The following ADAP1 variants were observed in gnomAD, a reference collection of about 807,000 sequenced individuals.
ADAP1 encodes the protein ArfGAP with dual PH domains 1.
In ADAP1, 31 loss-of-function variants were observed where a neutral mutation model predicts 54.9. That is an observed-to-expected ratio of 0.56 (90% CI 0.42 to 0.76). The LOEUF is 0.76. Among genes scored for constraint, ADAP1 ranks in the 30% least tolerant of loss-of-function variants. The probability of loss-of-function intolerance (pLI) is 0.00; values close to 1 mark genes in which losing one functional copy is unlikely to be tolerated. For missense variants in ADAP1, 535 were observed against 512.4 expected (o/e 1.04, Z -0.42); for synonymous variants, 313 against 202.6 (o/e 1.55, Z -4.63).
intron 4 of ADAP1, among the ~76,000 whole-genome samples, chr7:916,756 T>TGG (rs557395557): frequency 1.3e-5 from 2 of 151,814 alleles, no homozygotes; most frequent in Admixed American, 6.6e-5. Context: ...AAGTGGGGGT[T>TGG]GGGGGGGCAG....
At chr7:914,300 G>A (rs112538958) in intron 4 of ADAP1, among the ~76,000 whole-genome samples, 171 of 152,314 alleles carry the variant, frequency 1.1e-3, no homozygotes, top group African/African-American at 4.1e-3. Flanking sequence ...CCTTCCTCCC[G>A]GGCCCTGCCG....
chr7:927,547 C>T (rs938177719), intron 2 of ADAP1: 1 of 468,232 alleles, frequency 2.1e-6, no homozygotes, highest in Non-Finnish European at 4.4e-6. Flanking sequence ...TGACATCACC[C>T]TGCTCCGAGG....
intron 6 of ADAP1, among the ~76,000 whole-genome samples, chr7:901,926 G>GA (rs1844837969): frequency 6.6e-6 from 1 of 152,054 alleles, no homozygotes. Context: ...GAACTGGTTG[G>GA]AAAATCGCCC....
rs535079690 is a variant in ADAP1 at position 940,115 on chromosome 7, G to A, written c.83-4610C>T. Among the ~76,000 whole-genome samples the A allele has an allele frequency of 9.9e-5, 15 of 152,162 alleles. No individual in the cohort carries two copies. In the South Asian group the frequency reaches 1.2e-3, roughly 13 times the overall value. ...TGTGTGTGAGCATATACATACGTGC[G>A]TGCATACCCACAGACACAACATGAA... is the stretch of plus-strand genomic sequence containing the variant. On this transcript the variant is annotated intron_variant, in intron 1 of 10. Transcript: ENST00000265846.
At chr7:899,345 C>T (rs1401986554) in intron 9 of ADAP1, 74 bp downstream of exon 9, 3 of 1,604,012 alleles carry the variant, frequency 1.9e-6, no homozygotes, top group African/African-American at 1.3e-5. Flanking sequence ...AGGCCACCCG[C>T]CCTCCTGGTC....
chr7:934,535 C>A (rs1468963394), intron 2 of ADAP1, among the ~76,000 whole-genome samples: 2 of 152,150 alleles, frequency 1.3e-5, no homozygotes, highest in East Asian at 3.8e-4. Context: ...TCACAGCAGT[C>A]AGGAAGATCA....
rs773227962 is a variant in ADAP1 at position 926,523 on chromosome 7, A to T, written c.305+30T>A. Reference sequence around the variant, plus strand: ...TCTCGGAGCCACCCAGCACTTGACCATGGCCCTGACAAGGCCCCTTTGTAC... The same window carrying T: ...TCTCGGAGCCACCCAGCACTTGACCTTGGCCCTGACAAGGCCCCTTTGTAC... On this transcript the variant is annotated intron_variant, in intron 3 of 10. Transcript: ENST00000265846. The surrounding 1 kb of genome is among the most constrained non-coding windows in gnomAD (Gnocchi z 4.6). 4.0e-6 allele frequency: 6 copies of T among 1,506,350 alleles called. No individual in the cohort carries two copies. The highest frequency in any genetic ancestry group is 5.3e-6 in the Non-Finnish European group (6 of 1,127,480). The allele number at this position is 1,506,350 out of a possible 1,614,324, so 93.3% of individuals were successfully genotyped here. A position where few individuals can be genotyped will look rare whatever the true frequency, so the allele number is the denominator to read the frequency against.
chr7:926,609 G>T lies in ADAP1; in HGVS notation c.249C>A (p.Ala83=). 6.5e-7 allele frequency: 1 copy of T among 1,545,724 alleles called. No homozygotes were observed. The highest frequency in any genetic ancestry group is 8.7e-7 in the Non-Finnish European group (1 of 1,145,420). Residue 83 remains alanine, a synonymous_variant, in exon 3 of 11, where the codon GCC becomes GCA. Coordinates refer to ENST00000265846, the MANE Select transcript of ADAP1 (RefSeq NM_006869.4). The surrounding 1 kb of genome is among the most constrained non-coding windows in gnomAD (Gnocchi z 4.6). ...MASHGNDAAR[A]RFESKVPSFY... ...AGGAGGGTACTTTGGACTCAAACCT[G>T]GCTCTCGCGGCGTCGTTCCCGTGGG...
At chr7:905,592 AG>A (rs1845177753) in intron 4 of ADAP1, 2 of 137,606 alleles carry the variant, frequency 1.5e-5, no homozygotes, top group Admixed American at 8.3e-5. Flanking sequence ...GAAAGGAGAA[AG>A]GAGAAAGGAG....
intron 8 of ADAP1, 76 bp downstream of exon 8, chr7:900,021 TGGCAA>T: frequency 3.3e-6 from 5 of 1,520,594 alleles, no homozygotes; most frequent in Non-Finnish European, 4.5e-6. Context: ...AGGCGGCAGC[TGGCAA>T]GGCTGCTGCA....
chr7:903,734 TCTC>T (rs1009471039), intron 6 of ADAP1, among the ~76,000 whole-genome samples: 9 of 151,754 alleles, frequency 5.9e-5, no homozygotes, highest in African/African-American at 2.2e-4. Flanking sequence ...ACCGTCCACA[TCTC>T]CTCCCCGTAG....
intron 8 of ADAP1, 57 bp downstream of exon 8, chr7:900,045 C>T (rs202128981): frequency 5.8e-5 from 93 of 1,599,082 alleles, no homozygotes; most frequent in Admixed American, 1.2e-4. Flanking sequence ...CACTTCAGTC[C>T]GAGACCCACC....
chr7:905,820 AGAAGGGAGAAG>A (rs1461126132), intron 4 of ADAP1, among the ~76,000 whole-genome samples: 1 of 34,450 alleles, frequency 2.9e-5, no homozygotes, highest in Non-Finnish European at 7.6e-5. Flanking sequence ...AGGAGAAGGG[AGAAGGGAGAAG>A]GGAGAAGGGA....
chr7:948,964 G>C (rs1562938848), intron 1 of ADAP1, among the ~76,000 whole-genome samples: 2 of 152,122 alleles, frequency 1.3e-5, no homozygotes, highest in South Asian at 4.2e-4. Context: ...CAAAGTGCTG[G>C]GATTACAGGC....
chr7:898,465 C>T lies in ADAP1; in HGVS notation c.*456G>A, dbSNP rs555365555. 60 of 244,528 alleles carry T rather than the reference C, an allele frequency of 2.5e-4. No homozygotes were observed. Among genetic ancestry groups the T allele is most frequent in the Middle Eastern group, 3.2e-3 (2 of 634 alleles). The allele number at this position is 244,528 out of a possible 1,614,324, so 15.1% of individuals were successfully genotyped here. ...ACACAACAGGCGCTCAATAAATAGT[C>T]GTGGAGGTGGGGGGAGGGCGGGGCG... On this transcript the variant is annotated 3_prime_UTR_variant, in exon 11 of 11. Transcript: ENST00000265846.
At chr7:900,495 C>T in intron 7 of ADAP1, 38 bp downstream of exon 7, 2 of 1,480,848 alleles carry the variant, frequency 1.4e-6, no homozygotes, top group Non-Finnish European at 1.9e-6. Context: ...CCCACCACCC[C>T]TGTCTGCCCT....
At position 906,651 on chromosome 7, in the gene ADAP1, GA is replaced by G. The variant is rs1337953041; in HGVS notation, c.389-1480del. Among the ~76,000 whole-genome samples the G allele has an allele frequency of 2.7e-4, 31 of 116,496 alleles. 1 individual carries two copies. Among genetic ancestry groups the G allele is most frequent in the East Asian group, 2.3e-3 (7 of 3,104 alleles). 76.4% of individuals were successfully genotyped at this position (116,496 alleles called of 152,430 possible). The stretch of plus-strand genomic sequence containing the variant: ...AAGGAGAAAGGAGAAAGGGAAAGGA[GA>G]AAGGGGGCGGGAAAGGGGACATGGA... On this transcript the variant is annotated intron_variant, in intron 4 of 10. Transcript: ENST00000265846.
rs1458335353 is a variant in ADAP1 at position 905,268 on chromosome 7, G to C, written c.389-96C>G. On this transcript the variant is annotated intron_variant, in intron 4 of 10. Transcript: ENST00000265846. ...CAGGACAGAGGGGACATGGGGAGAA[G>C]ACACGGGGGACACGGACGGGGGACA... 10 of 664,654 alleles carry C rather than the reference G, an allele frequency of 1.5e-5. No individual in the cohort carries two copies. The Admixed American group carries it at 1.8e-4, about 12-fold the overall frequency. 41.2% of individuals were successfully genotyped at this position (664,654 alleles called of 1,614,324 possible).
rs1264589724 is a variant in ADAP1, at chr7:900,610, C to T, written c.655G>A (p.Val219Met). The change falls in exon 7 of 11, where the codon GTG (valine) becomes ATG (methionine). Residue 219 changes from valine to methionine, a missense_variant. Physicochemically the swap from Val to Met is conservative, Grantham distance 21. Transcript: ENST00000265846. ...GCTCGGAGTGCATTGAACCAGTCCA[C>T]AATCTCCTAGGGGCAAAGGTGGGCA... ...FIYHEDGKEI[V>M]DWFNALRAAR... The T allele has an allele frequency of 6.4e-7, 1 of 1,552,850 alleles. No homozygotes were observed.
Sources: gnomAD v4.1 joint callset for allele counts (sites outside exome capture counted in the v4.1 genomes callset) on GRCh38, gnomAD v4.1.1 for gene constraint, Gnocchi (gnomAD v3.1) non-coding constraint, MANE v1.5 for transcripts, NCBI Gene and HGNC (gene_info 2026-07-23, HGNC 2026-07-21) for gene names.